The following ADGRF5 variants were observed in gnomAD, a reference collection of about 807,000 sequenced individuals.
The protein encoded by ADGRF5 is G-protein coupled receptor 116.
In ADGRF5, 75 loss-of-function variants were observed where a neutral mutation model predicts 132.3. The observed-to-expected ratio is 0.57, with a 90% CI of 0.47 to 0.69. The LOEUF is 0.69. Among genes scored for constraint, ADGRF5 ranks in the 30% least tolerant of loss-of-function variants. The probability of loss-of-function intolerance (pLI) is 0.00; values close to 1 mark genes in which losing one functional copy is unlikely to be tolerated. For synonymous variants in ADGRF5, 629 were observed against 597.6 expected (o/e 1.05, Z -0.77); for missense variants, 1,516 against 1,630.6 (o/e 0.93, Z 1.21).
At chr6:46,870,019 T>G (rs1770875264) in intron 11 of ADGRF5, among the ~76,000 whole-genome samples, 1 of 151,656 alleles carries the variant, frequency 6.6e-6, no homozygotes, top group African/African-American at 2.4e-5. Flanking sequence ...AACTGTGCAC[T>G]TCTCTTTGAG....
rs748580042 is a variant in ADGRF5, at chr6:46,863,013, C to A, written c.2074G>T (p.Val692Phe). The A allele has an allele frequency of 1.2e-6, 2 of 1,613,798 alleles. No individual in the cohort carries two copies. Among genetic ancestry groups the A allele is most frequent in the Non-Finnish European group, 8.5e-7 (1 of 1,179,752 alleles). ...VIQKLCRFSN[V>F]PSSPESPIGG... ...ATGGGACTCTCAGGGCTGCTGGGAA[C>A]GTTTGAGAACCGGCATAGCTTCTGG... The change falls in exon 15 of 21, where the codon GTT becomes TTT. Residue 692 changes from valine (V) to phenylalanine (F), a missense_variant. Transcript: ENST00000283296.
At chr6:46,862,397 T>A (rs1402249574) in intron 15 of ADGRF5, among the ~76,000 whole-genome samples, 2 of 152,198 alleles carry the variant, frequency 1.3e-5, no homozygotes, top group African/African-American at 4.8e-5. Flanking sequence ...GGCAGGGTAG[T>A]TGCTTCTTCA....
intron 1 of ADGRF5, among the ~76,000 whole-genome samples, chr6:46,930,068 G>A (rs943415743): frequency 6.6e-6 from 1 of 152,014 alleles, no homozygotes; most frequent in Middle Eastern, 3.4e-3. Flanking sequence ...TGATCCACCC[G>A]CCTCAGCCTC....
chr6:46,859,583 A>G (rs1485351185), intron 16 of ADGRF5, 60 bp from the exon 17 acceptor site: 1 of 1,041,172 alleles, frequency 9.6e-7, no homozygotes, highest in African/African-American at 1.6e-5. Context: ...AAAAAAGAAA[A>G]AAACAACATC....
intron 1 of ADGRF5, among the ~76,000 whole-genome samples, chr6:46,940,171 A>T (rs1304377573): frequency 6.6e-6 from 1 of 152,188 alleles, no homozygotes; most frequent in African/African-American, 2.4e-5. Flanking sequence ...TTTGAGACTG[A>T]GTGTGCACGG....
intron 2 of ADGRF5, among the ~76,000 whole-genome samples, chr6:46,906,457 G>T (rs868805181): frequency 9.2e-5 from 14 of 152,274 alleles, no homozygotes; most frequent in African/African-American, 3.4e-4. Context: ...ATAGCAAGTG[G>T]TAGCCCAGCA....
intron 3 of ADGRF5, among the ~76,000 whole-genome samples, chr6:46,898,709 C>T (rs1774430466): frequency 6.6e-6 from 1 of 152,178 alleles, no homozygotes; most frequent in Non-Finnish European, 1.5e-5. Flanking sequence ...TGAACAGATG[C>T]CTCCACTCTG....
At chr6:46,871,806 C>G (rs776627154) in intron 11 of ADGRF5, 37 bp downstream of exon 11, 2 of 1,439,426 alleles carry the variant, frequency 1.4e-6, no homozygotes, top group Admixed American at 1.9e-5. Flanking sequence ...TAAGGTGGAA[C>G]CTATTTATGG....
intron 12 of ADGRF5, 123 bp from the exon 13 acceptor site, chr6:46,867,260 T>G: frequency 1.6e-6 from 1 of 617,958 alleles, no homozygotes; most frequent in East Asian, 2.8e-5. Flanking sequence ...ATACCACAAC[T>G]TCCTGGACAC....
intron 1 of ADGRF5, among the ~76,000 whole-genome samples, chr6:46,948,516 ATGTG>A: frequency 9.3e-6 from 1 of 108,046 alleles, no homozygotes; most frequent in East Asian, 2.8e-4. Context: ...GTGTGTGTGT[ATGTG>A]TGTGTTTATT....
upstream of ADGRF5, among the ~76,000 whole-genome samples, chr6:46,923,177 C>G (rs560781239): frequency 2.0e-5 from 3 of 152,182 alleles, no homozygotes; most frequent in Admixed American, 1.3e-4. Flanking sequence ...TCCCCAGCCT[C>G]GGCCTCCCAA....
intron 13 of ADGRF5, among the ~76,000 whole-genome samples, chr6:46,866,115 G>C (rs1196075414): frequency 6.6e-6 from 1 of 151,140 alleles, no homozygotes; most frequent in Non-Finnish European, 1.5e-5. Context: ...TTCTTTTTTT[G>C]CTGGTTGACA....
Position 46,878,219 on chromosome 6 carries a change from C to G in ADGRF5, c.1223G>C (p.Gly408Ala), listed in dbSNP as rs752320763. Residue 408 changes from glycine to alanine, a missense_variant, in exon 10 of 21, where the codon GGA becomes GCA. Around this residue, in one of 2 missense-constraint regions of ADGRF5, gnomAD observed 945 missense variants for 929.4 expected, o/e 1.02. Coordinates refer to ENST00000283296, the MANE Select transcript of ADGRF5 (RefSeq NM_001098518.2). Reference sequence around the variant, plus strand: ...ATTCTCACCTGGAATATTTATTTTTCCTTCCTGCTTCCATTCTACTTTGCT... The same window carrying G: ...ATTCTCACCTGGAATATTTATTTTTGCTTCCTGCTTCCATTCTACTTTGCT... ...NWSKVEWKQE[G>A]KINIPGTPET... The G allele has an allele frequency of 2.0e-5, 32 of 1,611,134 alleles. No homozygotes were observed. The highest frequency in any genetic ancestry group is 2.3e-5 in the Non-Finnish European group (27 of 1,177,344).
intron 7 of ADGRF5, 104 bp from the exon 8 acceptor site, chr6:46,881,701 T>A: frequency 1.1e-6 from 1 of 919,614 alleles, no homozygotes; most frequent in Non-Finnish European, 1.7e-6. Flanking sequence ...AACTGCCTGA[T>A]GCAGCATGCA....
chr6:46,883,800 G>C, intron 5 of ADGRF5, 135 bp from the exon 6 acceptor site: 1 of 610,250 alleles, frequency 1.6e-6, no homozygotes, highest in South Asian at 2.1e-5. Flanking sequence ...GGAGTGCAAC[G>C]GCACGATCTC....
At chr6:46,869,460 C>T in intron 11 of ADGRF5, 8 of 819,494 alleles carry the variant, frequency 9.8e-6, no homozygotes, top group Non-Finnish European at 1.2e-5. Flanking sequence ...TAAGGGAGAA[C>T]AAATGGCCGG....
At chr6:46,861,524 T>C (rs1046941138) in intron 15 of ADGRF5, among the ~76,000 whole-genome samples, 2 of 152,232 alleles carry the variant, frequency 1.3e-5, no homozygotes, top group African/African-American at 4.8e-5. Context: ...GGAAAGTTCC[T>C]TCCTCTGAAT....
chr6:46,941,444 AAGAAAAGAAAAGAAAAGAAAAG>A (rs1778074411), intron 1 of ADGRF5, among the ~76,000 whole-genome samples: 1 of 48,714 alleles, frequency 2.1e-5, no homozygotes, highest in African/African-American at 6.1e-5. Flanking sequence ...AAGAAAAGAA[AAGAAAAGAAAAGAAAAGAAAAG>A]AAAGAAAAGA....
At chr6:46,875,065 T>C (rs1362063986) in intron 10 of ADGRF5, among the ~76,000 whole-genome samples, 1 of 152,196 alleles carries the variant, frequency 6.6e-6, no homozygotes, top group Non-Finnish European at 1.5e-5. Flanking sequence ...AAATGGATTC[T>C]ACTGTTAACC....
Sources: gnomAD v4.1 joint callset for allele counts (sites outside exome capture counted in the v4.1 genomes callset) on GRCh38, gnomAD v4.1.1 for gene constraint, gnomAD v4.1.1 regional missense constraint, MANE v1.5 for transcripts, NCBI Gene and HGNC (gene_info 2026-07-23, HGNC 2026-07-21) for gene names.